Variants in LRP2 observed in about 807,000 individuals in gnomAD.
The protein encoded by LRP2 is low-density lipoprotein receptor-related protein 2.
LRP2 carries 172 observed loss-of-function variants against 531.0 expected under a neutral mutation model. The observed-to-expected ratio is 0.32, with a 90% CI of 0.29 to 0.37. LRP2 has a LOEUF of 0.37. Ranked by LOEUF, LRP2 falls within the 10% of genes least tolerant of loss-of-function variation. The pLI, the probability that LRP2 is intolerant of heterozygous loss-of-function variation, is 1.00. For missense variants in LRP2, 5,167 were observed against 5,868.3 expected (o/e 0.88, Z 3.90); for synonymous variants, 1,992 against 2,027.6 (o/e 0.98, Z 0.47).
At chr2:169,305,051 T>C (rs1481558831) in intron 4 of LRP2, among the ~76,000 whole-genome samples, 3 of 151,978 alleles carry the variant, frequency 2.0e-5, no homozygotes, top group Non-Finnish European at 4.4e-5. Context: ...ACGTCACACA[T>C]GTATCCCAGA....
chr2:169,168,803 G>A (rs1481034478), intron 60 of LRP2, 127 bp from the exon 61 acceptor site: 8 of 1,058,300 alleles, frequency 7.6e-6, no homozygotes, highest in Non-Finnish European at 1.1e-5. Flanking sequence ...AAGATGTATA[G>A]TGGCCTTGAC....
chr2:169,347,890 G>C (rs943180033), intron 1 of LRP2, among the ~76,000 whole-genome samples: 1 of 152,158 alleles, frequency 6.6e-6, no homozygotes, highest in African/African-American at 2.4e-5. Flanking sequence ...GGTCGCAATG[G>C]TACCAGCCTC....
At chr2:169,325,071 A>G (rs939575179) in intron 1 of LRP2, among the ~76,000 whole-genome samples, 10 of 151,930 alleles carry the variant, frequency 6.6e-5, no homozygotes, top group Non-Finnish European at 1.3e-4. Context: ...AAAAAAAAAA[A>G]AAAGAAAGAA....
chr2:169,306,539 T>C (rs566115428), intron 4 of LRP2, among the ~76,000 whole-genome samples: 1 of 151,856 alleles, frequency 6.6e-6, no homozygotes, highest in African/African-American at 2.4e-5. Flanking sequence ...TTCTCAAAAA[T>C]AAAAAATAAA....
intron 68 of LRP2, 136 bp from the exon 69 acceptor site, chr2:169,147,095 AT>A: frequency 1.4e-6 from 1 of 721,816 alleles, no homozygotes; most frequent in Non-Finnish European, 2.5e-6. Context: ...CCAGTTTTAT[AT>A]TTTACAGAAG....
chr2:169,205,371 T>C, intron 41 of LRP2, 108 bp downstream of exon 41: 1 of 1,206,218 alleles, frequency 8.3e-7, no homozygotes, highest in Non-Finnish European at 1.2e-6. Context: ...ATTCTGGCAA[T>C]GTCTATCTGG....
At chr2:169,325,475 T>G (rs1685024259) in intron 1 of LRP2, among the ~76,000 whole-genome samples, 1 of 152,240 alleles carries the variant, frequency 6.6e-6, no homozygotes. Flanking sequence ...TGGATAGACA[T>G]CCTTCTGATA....
Position 169,225,433 on chromosome 2 carries a change from C to G in LRP2, c.5415G>C (p.Lys1805Asn), listed in dbSNP as rs1357981454. ...VENPGEIHRV[K>N]TDGTNRTVFA... ...ATACTGTCCTGTTGGTGCCATCTGT[C>G]TTCACTCTGTGAATTTCACCCTGGA... The change falls in exon 33 of 79, where the codon AAG (lysine) becomes AAC (asparagine). Residue 1805 changes from lysine to asparagine, a missense_variant. Around this residue, in one of 6 missense-constraint regions of LRP2, gnomAD observed 2,811 missense variants for 3,058.0 expected, o/e 0.92. Coordinates refer to ENST00000649046, the MANE Select transcript of LRP2 (RefSeq NM_004525.3). The G allele has an allele frequency of 6.2e-7, 1 of 1,614,032 alleles. No individual in the cohort carries two copies. Among genetic ancestry groups the G allele is most frequent in the Non-Finnish European group, 8.5e-7 (1 of 1,179,946 alleles).
At chr2:169,211,603 T>G (rs183599096) in intron 37 of LRP2, among the ~76,000 whole-genome samples, 6 of 152,272 alleles carry the variant, frequency 3.9e-5, no homozygotes, top group Non-Finnish European at 2.9e-5. Flanking sequence ...CTGTAGTACT[T>G]CTTGCAAACC....
At chr2:169,171,474 A>G (rs1336891816) in intron 58 of LRP2, among the ~76,000 whole-genome samples, 1 of 152,118 alleles carries the variant, frequency 6.6e-6, no homozygotes, top group Non-Finnish European at 1.5e-5. Context: ...AATACCTTCG[A>G]CTGGGAGAGA....
chr2:169,225,497 G>A (rs1187766247), intron 32 of LRP2, 44 bp from the exon 33 acceptor site: 1 of 1,611,306 alleles, frequency 6.2e-7, no homozygotes, highest in Middle Eastern at 1.6e-4. Context: ...CAAGGCCATG[G>A]CTCCTACAAA....
intron 1 of LRP2, among the ~76,000 whole-genome samples, chr2:169,332,007 AT>A (rs1685282024): frequency 6.6e-6 from 1 of 152,226 alleles, no homozygotes; most frequent in Non-Finnish European, 1.5e-5. Flanking sequence ...ACAGCATCAA[AT>A]TAGGGTTTTC....
intron 63 of LRP2, among the ~76,000 whole-genome samples, chr2:169,161,059 G>A (rs1686567929): frequency 6.6e-6 from 1 of 152,224 alleles, no homozygotes; most frequent in South Asian, 2.1e-4. Context: ...GGCTCCTAGA[G>A]TTTGGAGAAG....
intron 48 of LRP2, among the ~76,000 whole-genome samples, chr2:169,190,284 A>G (rs1687784988): frequency 6.6e-6 from 1 of 152,266 alleles, no homozygotes; most frequent in African/African-American, 2.4e-5. Flanking sequence ...CAGCTTCACT[A>G]CAAAAGAAGA....
chr2:169,300,070 TAAAC>T, intron 4 of LRP2, among the ~76,000 whole-genome samples: 1 of 152,090 alleles, frequency 6.6e-6, no homozygotes, highest in Non-Finnish European at 1.5e-5. Context: ...AATTAAAAGG[TAAAC>T]AAAATTACAA....
At position 169,233,548 on chromosome 2, in the gene LRP2, G is replaced by A. The variant is rs1267283988; in HGVS notation, c.4961C>T (p.Ser1654Phe). The change falls in exon 30 of 79, where the codon TCT (serine) becomes TTT (phenylalanine). Residue 1654 changes from serine to phenylalanine, a missense_variant. Physicochemically the swap from Ser to Phe is radical, Grantham distance 155. This residue lies in a region of LRP2 where 2,811 missense variants were observed against 3,058.0 expected (regional missense o/e 0.92). Coordinates refer to ENST00000649046, the MANE Select transcript of LRP2 (RefSeq NM_004525.3). ...HPYALTLFED[S>F]VYWTDRATRR... ...AGTAGCACGGTCAGTCCAGTACACAGAGTCTTCAAAGAGAGTTAGGGCATA... is the reference window on the plus strand; with the variant it reads ...AGTAGCACGGTCAGTCCAGTACACAAAGTCTTCAAAGAGAGTTAGGGCATA... 6.2e-7 allele frequency: 1 copy of A among 1,614,162 alleles called. No individual in the cohort carries two copies. Among genetic ancestry groups the A allele is most frequent in the Non-Finnish European group, 8.5e-7 (1 of 1,180,028 alleles).
intron 1 of LRP2, among the ~76,000 whole-genome samples, chr2:169,328,453 A>AG (rs1685179232): frequency 1.6e-5 from 2 of 122,502 alleles, no homozygotes; most frequent in South Asian, 2.5e-4. Context: ...AAAAAAAAAA[A>AG]AAAAAAAAAA....
At chr2:169,343,766 G>A (rs1685626046) in intron 1 of LRP2, among the ~76,000 whole-genome samples, 1 of 152,156 alleles carries the variant, frequency 6.6e-6, no homozygotes, top group Non-Finnish European at 1.5e-5. Context: ...GTTGGGGTAT[G>A]GCCAGAAAGC....
chr2:169,154,809 G>A (rs1011111232), intron 65 of LRP2, among the ~76,000 whole-genome samples: 3 of 152,164 alleles, frequency 2.0e-5, no homozygotes, highest in Admixed American at 1.3e-4. Context: ...CAAGTGGAAA[G>A]CTAATATGTC....
Sources: allele counts gnomAD v4.1 joint callset (sites outside exome capture counted in the v4.1 genomes callset), GRCh38; gene constraint gnomAD v4.1.1; regional missense constraint gnomAD v4.1.1; transcripts MANE v1.5; gene names NCBI Gene and HGNC (gene_info 2026-07-23, HGNC 2026-07-21).